ANKS6: variants seen among roughly 807,000 people sequenced by gnomAD.
The protein encoded by ANKS6 is ankyrin repeat and sterile alpha motif domain containing 6, also known as ankyrin repeat and SAM domain-containing protein 6.
In ANKS6, 47 loss-of-function variants were observed where a neutral mutation model predicts 77.9. The ratio of observed to expected loss-of-function variants is 0.60; its 90% CI spans 0.48 to 0.77. ANKS6 has a LOEUF of 0.77. Ranked by LOEUF, ANKS6 falls within the 30% of genes least tolerant of loss-of-function variation. ANKS6 has a pLI of 0.00. For synonymous variants in ANKS6, 488 were observed against 501.7 expected (o/e 0.97, Z 0.37); for missense variants, 1,150 against 1,159.1 (o/e 0.99, Z 0.11).
At chr9:98,739,917 G>A (rs1396882273) in intron 14 of ANKS6, among the ~76,000 whole-genome samples, 2 of 151,250 alleles carry the variant, frequency 1.3e-5, no homozygotes, top group South Asian at 2.1e-4. Flanking sequence ...CACCTCACCC[G>A]GCTAATTTTT....
intron 1 of ANKS6, among the ~76,000 whole-genome samples, chr9:98,792,171 T>C (rs1285555672): frequency 6.6e-6 from 1 of 152,002 alleles, no homozygotes; most frequent in African/African-American, 2.4e-5. Flanking sequence ...ACCTTCACCA[T>C]CCTGACCCCA....
Position 98,735,932 on chromosome 9 carries a change from T to G in ANKS6, c.*587A>C. On this transcript the variant is annotated 3_prime_UTR_variant, in exon 15 of 15. Coordinates refer to ENST00000353234, the MANE Select transcript of ANKS6 (RefSeq NM_173551.5). ...ACTTCATCTGAGAGGTGACTTGGAC[T>G]AGGAGGGGCAAGTTAGAAGTTTTAA... The G allele has an allele frequency of 8.1e-7, 1 of 1,231,010 alleles. No individual in the cohort carries two copies. The highest frequency in any genetic ancestry group is 4.2e-5 in the South Asian group (1 of 23,568). The allele number at this position is 1,231,010 out of a possible 1,614,324, so 76.3% of individuals were successfully genotyped here. A position where few individuals can be genotyped will look rare whatever the true frequency, so the allele number is the denominator to read the frequency against.
At position 98,751,404 on chromosome 9, in the gene ANKS6, G is replaced by T. The variant is rs118188383; in HGVS notation, c.2327-308C>A. 2.1e-3 allele frequency among the ~76,000 whole-genome samples: 320 copies of T among 152,356 alleles called. 2 individuals are homozygous for T. In the East Asian group the frequency reaches 0.043, roughly 21 times the overall value. On this transcript the variant is annotated intron_variant, in intron 12 of 14. Transcript: ENST00000353234. ...AGACTGCGACCCTCAAGTTCTGGAA[G>T]TTCCAGCTGCCAGAACTAAAACTCT...
Position 98,733,273 on chromosome 9 carries a change from A to G in ANKS6, c.*3246T>C. The G allele has an allele frequency of 1.0e-6, 1 of 985,578 alleles. No individual in the cohort carries two copies. Among genetic ancestry groups the G allele is most frequent in the Non-Finnish European group, 1.2e-6 (1 of 830,026 alleles). The allele number at this position is 985,578 out of a possible 1,614,324, so 61.1% of individuals were successfully genotyped here. ...CCATGTAATTTTGTGGCGCTGAAGA[A>G]GAGAGGCAGGAGCCCTCCGTGGCCA... On this transcript the variant is annotated 3_prime_UTR_variant, in exon 15 of 15. Transcript: ENST00000353234.
At chr9:98,757,822 G>T (rs1832795000) in intron 11 of ANKS6, among the ~76,000 whole-genome samples, 2 of 152,070 alleles carry the variant, frequency 1.3e-5, no homozygotes, top group Non-Finnish European at 2.9e-5. Context: ...TAGCTACTTG[G>T]GAGGCTGAGG....
At chr9:98,761,265 A>C (rs1832989294) in intron 11 of ANKS6, among the ~76,000 whole-genome samples, 1 of 152,100 alleles carries the variant, frequency 6.6e-6, no homozygotes, top group African/African-American at 2.4e-5. Context: ...TTTAGTCTGG[A>C]AAAAAAGACT....
chr9:98,748,876 G>A (rs1832283218), intron 13 of ANKS6, among the ~76,000 whole-genome samples: 1 of 152,140 alleles, frequency 6.6e-6, no homozygotes, highest in Admixed American at 6.5e-5. Flanking sequence ...ATGAGAACAT[G>A]AATTAACTTC....
chr9:98,757,325 G>C (rs1832767226), intron 11 of ANKS6, among the ~76,000 whole-genome samples: 1 of 152,188 alleles, frequency 6.6e-6, no homozygotes, highest in Non-Finnish European at 1.5e-5. Flanking sequence ...ACACTGCATG[G>C]AGCTGTGCTG....
At position 98,790,542 on chromosome 9, in the gene ANKS6, G is replaced by T. The variant is rs199671276; in HGVS notation, c.424C>A (p.Arg142=). 6.2e-7 allele frequency: 1 copy of T among 1,613,012 alleles called. No homozygotes were observed. The highest frequency in any genetic ancestry group is 1.1e-5 in the South Asian group (1 of 91,058). ...DHGADVNAQN[R]LGASVLTVAS... Reference sequence around the variant, plus strand: ...ACAGTGAGCACACTGGCCCCCAGCCGGTTCTGGGCATTGACATCAGCCCCG... The same window carrying T: ...ACAGTGAGCACACTGGCCCCCAGCCTGTTCTGGGCATTGACATCAGCCCCG... Residue 142 remains arginine (R), a synonymous_variant, in exon 2 of 15, where the codon CGG becomes AGG. Transcript: ENST00000353234.
At chr9:98,788,065 C>A (rs1050745104) in intron 2 of ANKS6, among the ~76,000 whole-genome samples, 11 of 152,212 alleles carry the variant, frequency 7.2e-5, no homozygotes, top group Admixed American at 3.3e-4. Context: ...AGCAGGGGCA[C>A]AGCCAGCATC....
In ANKS6 at chr9:98,736,529, G is replaced by T. The variant is rs1831511813; in HGVS notation, c.2606C>A (p.Pro869His). Residue 869 changes from proline to histidine, a missense_variant, in exon 15 of 15, where the codon CCC becomes CAC. Coordinates refer to ENST00000353234, the MANE Select transcript of ANKS6 (RefSeq NM_173551.5). ...CTGCGGGAAGGAGGATCACGCACAG[G>T]GGCTGTTGCCAGGGGCCCTGGTGTT... ...ASNTRAPGNS[P>H]CA 2 of 1,611,430 alleles carry T rather than the reference G, an allele frequency of 1.2e-6. No homozygotes were observed. Among genetic ancestry groups the T allele is most frequent in the African/African-American group, 2.7e-5 (2 of 75,022 alleles).
At chr9:98,784,233 C>T in intron 3 of ANKS6, 76 bp from the exon 4 acceptor site, 1 of 1,348,564 alleles carries the variant, frequency 7.4e-7, no homozygotes, top group South Asian at 1.5e-5. Flanking sequence ...GTTCATGTAA[C>T]AAACACTTGC....
intron 12 of ANKS6, among the ~76,000 whole-genome samples, chr9:98,753,747 A>G (rs1216158314): frequency 6.6e-6 from 1 of 152,226 alleles, no homozygotes; most frequent in African/African-American, 2.4e-5. Flanking sequence ...AGAGATGCGC[A>G]GTAGGAACAC....
chr9:98,784,212 T>C (rs1298363138), intron 3 of ANKS6, 55 bp from the exon 4 acceptor site: 1 of 1,447,900 alleles, frequency 6.9e-7, no homozygotes, highest in Non-Finnish European at 9.3e-7. Flanking sequence ...CATAGGCTGA[T>C]TTCTCCTGTG....
At position 98,732,856 on chromosome 9, in the gene ANKS6, C is replaced by T. The variant is rs187186544; in HGVS notation, c.*3663G>A. The T allele has an allele frequency of 1.3e-5, 16 of 1,197,930 alleles. No homozygotes were observed. In the East Asian group the frequency reaches 2.4e-4, roughly 18 times the overall value. 74.2% of individuals were successfully genotyped at this position (1,197,930 alleles called of 1,614,324 possible). A position where few individuals can be genotyped will look rare whatever the true frequency, so the allele number is the denominator to read the frequency against. ...TAAAAACAGAAAAACAGGCACCCAA[C>T]TGACCCTTCCTCCCTGACGATCTAG... On this transcript the variant is annotated 3_prime_UTR_variant, in exon 15 of 15. Transcript: ENST00000353234.
At chr9:98,767,168 T>C (rs1833348080) in intron 11 of ANKS6, among the ~76,000 whole-genome samples, 1 of 152,182 alleles carries the variant, frequency 6.6e-6, no homozygotes, top group Non-Finnish European at 1.5e-5. Flanking sequence ...ATGCTAACAA[T>C]GTGGTGACTG....
intron 14 of ANKS6, among the ~76,000 whole-genome samples, chr9:98,743,820 T>C (rs893584845): frequency 6.6e-6 from 1 of 152,242 alleles, no homozygotes; most frequent in Admixed American, 6.5e-5. Flanking sequence ...AATACCCGCA[T>C]GGTGCCTGAG....
chr9:98,750,851 A>T (rs923192354), intron 13 of ANKS6, among the ~76,000 whole-genome samples, 178 bp downstream of exon 13: 1 of 152,238 alleles, frequency 6.6e-6, no homozygotes, highest in African/African-American at 2.4e-5. Context: ...AGCAAGCCAT[A>T]AGTCCCCAGG....
chr9:98,790,019 C>G (rs781086846), intron 2 of ANKS6, 85 bp downstream of exon 2: 25 of 1,489,028 alleles, frequency 1.7e-5, no homozygotes, highest in Non-Finnish European at 2.2e-5. Flanking sequence ...TTCTGCGTGT[C>G]CTTCCAGTAG....
Sources: allele counts gnomAD v4.1 joint callset (sites outside exome capture counted in the v4.1 genomes callset), GRCh38; gene constraint gnomAD v4.1.1; transcripts MANE v1.5; gene names NCBI Gene and HGNC (gene_info 2026-07-23, HGNC 2026-07-21).